SIAH2: variants seen among roughly 807,000 people sequenced by gnomAD.
SIAH2 encodes the protein E3 ubiquitin-protein ligase SIAH2.
In SIAH2, 4 loss-of-function variants were observed where a neutral mutation model predicts 20.4. The ratio of observed to expected loss-of-function variants is 0.20; its 90% confidence interval spans 0.10 to 0.45. SIAH2 has a LOEUF of 0.45. SIAH2 is among the 20% of genes least tolerant of loss of function. SIAH2 has a pLI of 0.99. For missense variants in SIAH2, 259 were observed against 440.3 expected, an observed-to-expected ratio of 0.59 and a Z score of 3.69; for synonymous variants, 171 against 192.5, an observed-to-expected ratio of 0.89 and a Z score of 0.93.
At chr3:150,745,535 A>C (rs555237987) in intron 1 of SIAH2, among the ~76,000 whole-genome samples, 47 of 149,262 alleles carry the variant, frequency 3.1e-4, no homozygotes, top group Non-Finnish European at 5.8e-4. Flanking sequence ...TTGCTCTGTC[A>C]CCCAAGCTGG....
chr3:150,758,046 C>T (rs1714521705), intron 1 of SIAH2, among the ~76,000 whole-genome samples: 2 of 152,206 alleles, frequency 1.3e-5, no homozygotes, highest in South Asian at 2.1e-4. Flanking sequence ...CTCCTCTCCT[C>T]TCATTACATG....
Position 150,742,974 on chromosome 3 carries a change from T to A in SIAH2, c.418-276A>T, listed in dbSNP as rs1714128537. ...CAAAGGGATCAGAACTAAAGTTCTC[T>A]TACTGTGCACATCTCAAAATTGTTG... On this transcript the variant is annotated intron_variant, in intron 1 of 1. Transcript: ENST00000312960. The surrounding 1 kb of genome is among the most constrained non-coding windows in gnomAD (Gnocchi z 4.8). 6.6e-6 allele frequency among the ~76,000 whole-genome samples: 1 copy of A among 152,206 alleles called. No homozygotes were observed. The highest frequency in any genetic ancestry group is 2.4e-5 in the African/African-American group (1 of 41,444).
At chr3:150,757,312 C>T (rs1241477710) in intron 1 of SIAH2, among the ~76,000 whole-genome samples, 2 of 152,060 alleles carry the variant, frequency 1.3e-5, no homozygotes, top group African/African-American at 4.8e-5. Context: ...TAGTCCAATC[C>T]CTTCTCTTAA....
chr3:150,762,142 T>C lies in SIAH2; in HGVS notation c.417+291A>G, dbSNP rs937515286. 7.1e-6 allele frequency: 3 copies of C among 420,490 alleles called. No individual in the cohort carries two copies. Among genetic ancestry groups the C allele is most frequent in the Admixed American group, 4.3e-5 (1 of 23,116 alleles). The allele number at this position is 420,490 out of a possible 1,614,324, so 26.0% of individuals were successfully genotyped here. A position where few individuals can be genotyped will look rare whatever the true frequency, so the allele number is the denominator to read the frequency against. ...CCCAGCCCTACCGAGAGTACCCGAA[T>C]ACACGTCTGCAGAGGACGCGGGCAT... On this transcript the variant is annotated intron_variant, in intron 1 of 1. Coordinates refer to ENST00000312960, the MANE Select transcript of SIAH2 (RefSeq NM_005067.7). The surrounding 1 kb of genome is among the most constrained non-coding windows in gnomAD (Gnocchi z 6.6).
At position 150,743,902 on chromosome 3, in the gene SIAH2, C is replaced by A. The variant is rs147140903; in HGVS notation, c.418-1204G>T. Among the ~76,000 whole-genome samples the A allele has an allele frequency of 5.6e-3, 850 of 151,906 alleles. 2 individuals are homozygous for A. Among genetic ancestry groups the A allele is most frequent in the Middle Eastern group, 0.024 (7 of 294 alleles). On this transcript the variant is annotated intron_variant, in intron 1 of 1. Coordinates refer to ENST00000312960, the MANE Select transcript of SIAH2 (RefSeq NM_005067.7). Reference sequence around the variant, plus strand: ...CTTAGACCCCTGGAGCACAGAATGGCAGGGGAACTGTCTGGCTAACTACAC... The same window carrying A: ...CTTAGACCCCTGGAGCACAGAATGGAAGGGGAACTGTCTGGCTAACTACAC...
chr3:150,760,947 G>A (rs1421990005), intron 1 of SIAH2, among the ~76,000 whole-genome samples: 1 of 152,232 alleles, frequency 6.6e-6, no homozygotes, highest in Non-Finnish European at 1.5e-5. Flanking sequence ...ATGAGGAGGG[G>A]TTAACAGCAA....
At position 150,762,317 on chromosome 3, in the gene SIAH2, CTTT is replaced by C; in HGVS notation, c.417+113_417+115del. On this transcript the variant is annotated intron_variant, in intron 1 of 1. Transcript: ENST00000312960. The surrounding 1 kb of genome is among the most constrained non-coding windows in gnomAD (Gnocchi z 6.6). ...GGTGGACGAAGTGTAAACATTTTTTCTTTTTTTTTTTTAAATGAGAGATGCCGC... is the reference window on the plus strand; with the variant it reads ...GGTGGACGAAGTGTAAACATTTTTTCTTTTTTTTTAAATGAGAGATGCCGC... 1.7e-6 allele frequency: 2 copies of C among 1,160,240 alleles called. No individual in the cohort carries two copies. Among genetic ancestry groups the C allele is most frequent in the Non-Finnish European group, 2.3e-6 (2 of 866,954 alleles). The allele number at this position is 1,160,240 out of a possible 1,614,324, so 71.9% of individuals were successfully genotyped here.
At chr3:150,748,016 T>C (rs1330240060) in intron 1 of SIAH2, among the ~76,000 whole-genome samples, 1 of 146,680 alleles carries the variant, frequency 6.8e-6, no homozygotes, top group Non-Finnish European at 1.5e-5. Context: ...CCCAGCAGAA[T>C]GAGAAACAAA....
intron 1 of SIAH2, among the ~76,000 whole-genome samples, chr3:150,751,566 CACTT>C (rs1484046812): frequency 3.3e-5 from 5 of 152,148 alleles, no homozygotes; most frequent in Admixed American, 2.0e-4. Flanking sequence ...AGTAAGGAAA[CACTT>C]ACTGTTCACT....
intron 1 of SIAH2, among the ~76,000 whole-genome samples, chr3:150,744,552 G>A (rs117181257): frequency 0.011 from 1,720 of 152,302 alleles, 13 homozygotes; most frequent in East Asian, 0.039. Context: ...AATCTAGGGT[G>A]TGGCTAGGAA....
Position 150,742,675 on chromosome 3 carries a change from C to A in SIAH2, c.441G>T (p.Leu147=). The A allele has an allele frequency of 6.5e-7, 1 of 1,544,528 alleles. No homozygotes were observed. Among genetic ancestry groups the A allele is most frequent in the Non-Finnish European group, 8.7e-7 (1 of 1,144,824 alleles). Residue 147 remains leucine (L), a synonymous_variant, in exon 2 of 2, where the codon CTG becomes CTT. Transcript: ENST00000312960. The surrounding 1 kb of genome is among the most constrained non-coding windows in gnomAD (Gnocchi z 4.8). ...CTGGTTTCTCCGTATGGTGCAGGGT[C>A]AGGGAACAGCCCGTGGTGGCATACT... ...PCKYATTGCS[L]TLHHTEKPEH... is the part of the protein sequence containing the mutation.
Position 150,742,188 on chromosome 3 carries a change from T to G in SIAH2, c.928A>C (p.Asn310His), listed in dbSNP as rs542552180. The G allele has an allele frequency of 1.2e-6, 2 of 1,613,926 alleles. No individual in the cohort carries two copies. Among genetic ancestry groups the G allele is most frequent in the African/African-American group, 2.7e-5 (2 of 74,940 alleles). ...DTAIAHLFAD[N>H]GNLGINVTIS... ...GTAACATTGATTCCAAGGTTCCCAT[T>G]ATCTGCAAAAAGATGTGCTATGGCT... The change falls in exon 2 of 2, where the codon AAT becomes CAT. Residue 310 changes from asparagine (N) to histidine (H), a missense_variant. Transcript: ENST00000312960. The surrounding 1 kb of genome is among the most constrained non-coding windows in gnomAD (Gnocchi z 4.8).
Position 150,744,005 on chromosome 3 carries a change from C to T in SIAH2, c.418-1307G>A, listed in dbSNP as rs116560172. 5.2e-3 allele frequency among the ~76,000 whole-genome samples: 790 copies of T among 151,190 alleles called. 6 individuals are homozygous for T. Among genetic ancestry groups the T allele is most frequent in the African/African-American group, 0.018 (750 of 41,146 alleles). On this transcript the variant is annotated intron_variant, in intron 1 of 1. Transcript: ENST00000312960. ...AGGTCATTTTTCTAAGATGCTATGT[C>T]CAGTTGCTAAAAAAAAAAAAAAGCA...
At chr3:150,751,977 CA>C (rs1218286711) in intron 1 of SIAH2, among the ~76,000 whole-genome samples, 2 of 152,160 alleles carry the variant, frequency 1.3e-5, no homozygotes, top group East Asian at 3.9e-4. Context: ...AAACTTTAAA[CA>C]AAGGTTGACT....
chr3:150,755,283 C>T (rs1714459747), intron 1 of SIAH2, among the ~76,000 whole-genome samples: 2 of 148,554 alleles, frequency 1.3e-5, no homozygotes, highest in Non-Finnish European at 1.5e-5. Flanking sequence ...CATAGGCCGG[C>T]GCATTAGCAA....
Position 150,762,532 on chromosome 3 carries a change from C to G in SIAH2, c.318G>C (p.Gln106His). Residue 106 changes from glutamine (Q) to histidine (H), a missense_variant, in exon 1 of 2, where the codon CAG becomes CAC. Around this residue, in one of 2 missense-constraint regions of SIAH2, gnomAD observed 160 missense variants for 327.6 expected, o/e 0.49. Transcript: ENST00000312960. The surrounding 1 kb of genome is among the most constrained non-coding windows in gnomAD (Gnocchi z 6.6). ...TGCACGTCGGGCAGCAGCTCAACTT[C>G]TGGCGGCATTGGTTACACACCAGGT... is the stretch of plus-strand genomic sequence containing the variant. ...AGHLVCNQCR[Q>H]KLSCCPTCRG... 1.2e-6 allele frequency: 2 copies of G among 1,613,652 alleles called. No homozygotes were observed. Among genetic ancestry groups the G allele is most frequent in the Non-Finnish European group, 1.7e-6 (2 of 1,179,930 alleles).
At chr3:150,759,211 A>G (rs749406643) in intron 1 of SIAH2, among the ~76,000 whole-genome samples, 2 of 152,168 alleles carry the variant, frequency 1.3e-5, no homozygotes, top group East Asian at 1.9e-4. Context: ...CCGGTTCCCC[A>G]TATCAAAGGT....
intron 1 of SIAH2, among the ~76,000 whole-genome samples, chr3:150,753,237 G>A (rs974040122): frequency 6.6e-6 from 1 of 152,196 alleles, no homozygotes. Flanking sequence ...GGTGAGCAGA[G>A]GCAAGAACTG....
Position 150,762,055 on chromosome 3 carries a change from C to A in SIAH2, c.417+378G>T. The A allele has an allele frequency of 4.3e-6, 1 of 234,494 alleles. No homozygotes were observed. Among genetic ancestry groups the A allele is most frequent in the Non-Finnish European group, 8.5e-6 (1 of 117,978 alleles). 14.5% of individuals were successfully genotyped at this position (234,494 alleles called of 1,614,324 possible). A position where few individuals can be genotyped will look rare whatever the true frequency, so the allele number is the denominator to read the frequency against. On this transcript the variant is annotated intron_variant, in intron 1 of 1. Coordinates refer to ENST00000312960, the MANE Select transcript of SIAH2 (RefSeq NM_005067.7). This position sits in a 1 kb window ranked among gnomAD's most constrained non-coding sequence, Gnocchi z 6.6. Reference sequence around the variant, plus strand: ...CTGGTAAAGGGGGCGTTTAGCTCGCCCGTTTCCTCCCTCCTCAATCCCCAC... The same window carrying A: ...CTGGTAAAGGGGGCGTTTAGCTCGCACGTTTCCTCCCTCCTCAATCCCCAC...
Sources: allele counts gnomAD v4.1 joint callset (sites outside exome capture counted in the v4.1 genomes callset), GRCh38; gene constraint gnomAD v4.1.1; regional missense constraint gnomAD v4.1.1; non-coding constraint Gnocchi (gnomAD v3.1); transcripts MANE v1.5; gene names NCBI Gene and HGNC (gene_info 2026-07-23, HGNC 2026-07-21).